Variants in TENM3 observed in about 807,000 individuals in gnomAD.
TENM3 encodes teneurin transmembrane protein 3.
A neutral mutation model predicts 255.1 loss-of-function variants in TENM3; 63 were observed. The ratio of observed to expected loss-of-function variants is 0.25; its 90% CI spans 0.20 to 0.30. The LOEUF (loss-of-function observed/expected upper bound fraction) is 0.30. TENM3 is among the 10% of genes least tolerant of loss of function. The pLI, the probability that TENM3 is intolerant of heterozygous loss-of-function variation, is 1.00. For missense variants in TENM3, 2,929 were observed against 3,461.1 expected (o/e 0.85, Z 3.86); for synonymous variants, 1,306 against 1,322.3 (o/e 0.99, Z 0.27).
intron 12 of TENM3, among the ~76,000 whole-genome samples, chr4:182,709,291 T>C (rs1758568049): frequency 6.6e-6 from 1 of 152,054 alleles, no homozygotes; most frequent in African/African-American, 2.4e-5. Context: ...CTCTGGAAAA[T>C]AGTTTTTTTA....
At position 182,594,344 on chromosome 4, in the gene TENM3, C is replaced by T. The variant is rs375192124; in HGVS notation, c.512-6580C>T. The stretch of plus-strand genomic sequence containing the variant: ...ATCGTAATTTTTCTACCTGTTAAAG[C>T]AAACACTTTTTTGTCTCTACAAAAA... On this transcript the variant is annotated intron_variant, in intron 3 of 27. Transcript: ENST00000511685. Among the ~76,000 whole-genome samples the T allele has an allele frequency of 1.2e-3, 179 of 152,104 alleles. 6 individuals are homozygous for T. The South Asian group carries it at 0.034, about 29-fold the overall frequency.
the TENM3 span, among the ~76,000 whole-genome samples, chr4:182,042,035 T>A: frequency 2.0e-5 from 3 of 152,104 alleles, no homozygotes; most frequent in Non-Finnish European, 4.4e-5. Flanking sequence ...TCTACCAGGA[T>A]GGGATAGAAT....
At chr4:181,963,551 AAATATAGTAATTTG>A in the TENM3 span, among the ~76,000 whole-genome samples, 6 of 152,140 alleles carry the variant, frequency 3.9e-5, no homozygotes, top group Non-Finnish European at 5.9e-5. Flanking sequence ...TTCCCTAAGA[AAATATAGTAATTTG>A]AATTCAGAGG....
At chr4:182,159,176 G>A (rs982300263) in intron 1 of TENM3, among the ~76,000 whole-genome samples, 5 of 152,218 alleles carry the variant, frequency 3.3e-5, no homozygotes, top group African/African-American at 1.2e-4. Context: ...TGGAGATGGG[G>A]ATGGCAGCAG....
chr4:182,793,599 T>C lies in TENM3; in HGVS notation c.6927T>C (p.Asn2309=), dbSNP rs1766274693. ...CACCACTGGCTGTGTTCAGTAGCAATGGGCTTATGCTGAAACAGATTCAGT... is the reference window on the plus strand; with the variant it reads ...CACCACTGGCTGTGTTCAGTAGCAACGGGCTTATGCTGAAACAGATTCAGT... ...TGTPLAVFSS[N]GLMLKQIQYT... Residue 2309 remains asparagine (N), a synonymous_variant, in exon 26 of 28, where the codon AAT becomes AAC. Transcript: ENST00000511685. This position sits in a 1 kb window ranked among gnomAD's most constrained non-coding sequence, Gnocchi z 5.7. 3 of 1,614,008 alleles carry C rather than the reference T, an allele frequency of 1.9e-6. No individual in the cohort carries two copies. The highest frequency in any genetic ancestry group is 2.5e-6 in the Non-Finnish European group (3 of 1,179,872).
rs750966779 is a variant in TENM3 at position 182,754,819 on chromosome 4, A to T, written c.4452A>T (p.Thr1484=). 6.2e-7 allele frequency: 1 copy of T among 1,614,052 alleles called. No homozygotes were observed. Among genetic ancestry groups the T allele is most frequent in the Non-Finnish European group, 8.5e-7 (1 of 1,179,894 alleles). The part of the protein sequence containing the change: ...PSSLAASPDG[T]LYIADLGNIR... Reference sequence around the variant, plus strand: ...CCCTGGCTGCTTCTCCAGATGGTACACTGTATATTGCAGATCTAGGGAATA... The same window carrying T: ...CCCTGGCTGCTTCTCCAGATGGTACTCTGTATATTGCAGATCTAGGGAATA... Residue 1484 remains threonine (T), a synonymous_variant, in exon 22 of 28, where the codon ACA becomes ACT. Coordinates refer to ENST00000511685, the MANE Select transcript of TENM3 (RefSeq NM_001080477.4). This position sits in a 1 kb window ranked among gnomAD's most constrained non-coding sequence, Gnocchi z 5.1.
At chr4:182,790,191 GA>G (rs1480464670) in intron 25 of TENM3, among the ~76,000 whole-genome samples, 1 of 152,164 alleles carries the variant, frequency 6.6e-6, no homozygotes, top group Admixed American at 6.5e-5. Context: ...GTTCGCCCTA[GA>G]AAATGATTCT....
At chr4:181,456,464 C>G in the TENM3 span, among the ~76,000 whole-genome samples, 6 of 151,906 alleles carry the variant, frequency 3.9e-5, no homozygotes, top group Admixed American at 1.3e-4. Flanking sequence ...ACTACTAAAA[C>G]AACTTTTGTC....
At chr4:181,466,787 C>T in the TENM3 span, among the ~76,000 whole-genome samples, 1 of 151,770 alleles carries the variant, frequency 6.6e-6, no homozygotes, top group South Asian at 2.1e-4. Context: ...AAATATTGCC[C>T]CTAAGCATTT....
At chr4:182,476,387 A>G (rs901028058) in intron 3 of TENM3, among the ~76,000 whole-genome samples, 6 of 152,214 alleles carry the variant, frequency 3.9e-5, no homozygotes, top group Non-Finnish European at 8.8e-5. Flanking sequence ...ATAGCATATT[A>G]AAGTATTTAA....
the TENM3 span, among the ~76,000 whole-genome samples, chr4:181,673,981 T>C: frequency 6.6e-6 from 1 of 152,016 alleles, no homozygotes; most frequent in African/African-American, 2.4e-5. Flanking sequence ...GGCGAATTTC[T>C]TTTCTTTTCT....
chr4:182,401,707 T>C (rs1241195810), intron 3 of TENM3, among the ~76,000 whole-genome samples: 1 of 152,220 alleles, frequency 6.6e-6, no homozygotes, highest in Non-Finnish European at 1.5e-5. Context: ...TTTATCTGTT[T>C]TAAATTGCCA....
chr4:182,007,584 T>A, the TENM3 span, among the ~76,000 whole-genome samples: 1 of 152,238 alleles, frequency 6.6e-6, no homozygotes. Flanking sequence ...TGGTAAATTT[T>A]CCTCCATCCC....
At chr4:182,270,041 G>C (rs1311590303) in intron 1 of TENM3, among the ~76,000 whole-genome samples, 1 of 152,186 alleles carries the variant, frequency 6.6e-6, no homozygotes, top group Non-Finnish European at 1.5e-5. Flanking sequence ...GCAATTGGTT[G>C]AAAGAGTTAA....
intron 1 of TENM3, among the ~76,000 whole-genome samples, chr4:182,234,487 C>A (rs1756773291): frequency 1.3e-5 from 2 of 152,140 alleles, no homozygotes; most frequent in South Asian, 4.1e-4. Context: ...AATCCCAGCA[C>A]TTTGAGGGGC....
intron 3 of TENM3, among the ~76,000 whole-genome samples, chr4:182,514,497 G>C (rs1281958802): frequency 6.6e-6 from 1 of 152,150 alleles, no homozygotes; most frequent in African/African-American, 2.4e-5. Flanking sequence ...GATGTGTCCT[G>C]AACAGTGGTT....
chr4:182,314,295 C>G (rs201476284), intron 1 of TENM3, among the ~76,000 whole-genome samples: 4 of 150,900 alleles, frequency 2.7e-5, no homozygotes, highest in Non-Finnish European at 4.4e-5. Flanking sequence ...AGCGAGACTC[C>G]GTCTCAAAAA....
intron 1 of TENM3, among the ~76,000 whole-genome samples, chr4:182,255,862 A>G (rs1330393773): frequency 3.3e-5 from 5 of 152,212 alleles, no homozygotes; most frequent in African/African-American, 7.2e-5. Context: ...GTTATATTCT[A>G]AAAATGTTGG....
the TENM3 span, among the ~76,000 whole-genome samples, chr4:181,780,872 A>G: frequency 2.0e-5 from 3 of 152,182 alleles, no homozygotes; most frequent in Non-Finnish European, 4.4e-5. Context: ...CATTTATTAA[A>G]TAGGGAATCC....
Sources: gnomAD v4.1 joint callset for allele counts (sites outside exome capture counted in the v4.1 genomes callset) on GRCh38, gnomAD v4.1.1 for gene constraint, Gnocchi (gnomAD v3.1) non-coding constraint, MANE v1.5 for transcripts, NCBI Gene and HGNC (gene_info 2026-07-23, HGNC 2026-07-21) for gene names.